ATXN7L1: variants seen among roughly 807,000 people sequenced by gnomAD.
ATXN7L1 encodes the protein ataxin 7 like 1, also known as ataxin-7-like protein 1.
ATXN7L1 carries 15 observed loss-of-function variants against 70.8 expected under a neutral mutation model. That is an observed-to-expected ratio of 0.21 (90% confidence interval 0.14 to 0.33). The LOEUF is 0.33. Among genes scored for constraint, ATXN7L1 ranks in the 10% least tolerant of loss-of-function variants. The pLI is 1.00. For synonymous variants in ATXN7L1, 440 were observed against 445.1 expected (o/e 0.99, Z 0.14); for missense variants, 975 against 1,097.1 (o/e 0.89, Z 1.57).
At chr7:105,751,463 T>C (rs539087371) in intron 3 of ATXN7L1, among the ~76,000 whole-genome samples, 27 of 151,836 alleles carry the variant, frequency 1.8e-4, no homozygotes, top group Admixed American at 3.9e-4. Flanking sequence ...GAAACCCCCG[T>C]CTCTACTAAA....
At chr7:105,784,529 C>A (rs914748413) in intron 3 of ATXN7L1, among the ~76,000 whole-genome samples, 1 of 151,912 alleles carries the variant, frequency 6.6e-6, no homozygotes, top group African/African-American at 2.4e-5. Context: ...ATGGGAGAAG[C>A]GGGAGGTGGC....
intron 3 of ATXN7L1, among the ~76,000 whole-genome samples, chr7:105,714,031 C>G (rs1794234119): frequency 6.6e-6 from 1 of 152,220 alleles, no homozygotes; most frequent in African/African-American, 2.4e-5. Context: ...AAAGCAAACC[C>G]TGATTAAGAA....
rs77827797 is a variant in ATXN7L1, at chr7:105,830,104, G to A, written c.251-41396C>T. Among the ~76,000 whole-genome samples the A allele has an allele frequency of 8.3e-3, 1,266 of 152,246 alleles. 18 individuals are homozygous for A. Among genetic ancestry groups the A allele is most frequent in the African/African-American group, 0.029 (1,206 of 41,540 alleles). ...TAAAGATGAGGACAAGAAGGCCCTG[G>A]GAGGCTCAGTTATTTATCCTACTAG... On this transcript the variant is annotated intron_variant, in intron 2 of 11. Transcript: ENST00000419735.
intron 3 of ATXN7L1, among the ~76,000 whole-genome samples, chr7:105,711,244 G>A (rs965436075): frequency 6.6e-6 from 1 of 151,088 alleles, no homozygotes; most frequent in Non-Finnish European, 1.5e-5. Flanking sequence ...TTTGGATGGG[G>A]ACACAAATCC....
At chr7:105,853,590 A>G (rs1245449142) in intron 2 of ATXN7L1, among the ~76,000 whole-genome samples, 10 of 148,360 alleles carry the variant, frequency 6.7e-5, no homozygotes, top group Non-Finnish European at 1.0e-4. Context: ...AACAAACAAA[A>G]AAAACAAAAA....
intron 11 of ATXN7L1, among the ~76,000 whole-genome samples, chr7:105,608,707 A>G (rs1231385353): frequency 6.6e-6 from 1 of 152,188 alleles, no homozygotes; most frequent in Non-Finnish European, 1.5e-5. Flanking sequence ...AAAGGACTCA[A>G]AATGGTGAGG....
At chr7:105,746,986 C>CT (rs1238576534) in intron 3 of ATXN7L1, among the ~76,000 whole-genome samples, 1 of 152,188 alleles carries the variant, frequency 6.6e-6, no homozygotes, top group Non-Finnish European at 1.5e-5. Context: ...CATGCGCTAT[C>CT]TGTCCAATGA....
At chr7:105,693,070 T>C (rs940810955) in intron 3 of ATXN7L1, among the ~76,000 whole-genome samples, 5 of 152,084 alleles carry the variant, frequency 3.3e-5, no homozygotes, top group African/African-American at 1.2e-4. Flanking sequence ...TTTCCCAGAG[T>C]GCATCAAGCA....
chr7:105,783,722 T>G (rs1458284923), intron 3 of ATXN7L1, among the ~76,000 whole-genome samples: 1 of 152,212 alleles, frequency 6.6e-6, no homozygotes, highest in Non-Finnish European at 1.5e-5. Context: ...ATTTATATCC[T>G]TTATAATATA....
At chr7:105,836,068 G>A (rs1360262659) in intron 2 of ATXN7L1, among the ~76,000 whole-genome samples, 1 of 152,144 alleles carries the variant, frequency 6.6e-6, no homozygotes, top group Non-Finnish European at 1.5e-5. Flanking sequence ...GCTGGCACGC[G>A]CTGCATCCCC....
rs1172330592 is a variant in ATXN7L1 at position 105,639,544 on chromosome 7, G to A, written c.888C>T (p.His296=). The A allele has an allele frequency of 2.6e-5, 40 of 1,551,270 alleles. No homozygotes were observed. Among genetic ancestry groups the A allele is most frequent in the Non-Finnish European group, 3.3e-5 (38 of 1,146,724 alleles). ...TTGTCTCGGGATCCAATACTCCACA[G>A]TGTTTATTTGGGTCAAATTCTCTCT... ...LSEREFDPNK[H]CGVLDPETKK... is the part of the protein sequence containing the mutation. The change falls in exon 6 of 12, where the codon CAC becomes CAT. Residue 296 remains histidine, a synonymous_variant. Transcript: ENST00000419735.
At chr7:105,715,738 A>G (rs1163398919) in intron 3 of ATXN7L1, among the ~76,000 whole-genome samples, 1 of 152,236 alleles carries the variant, frequency 6.6e-6, no homozygotes, top group African/African-American at 2.4e-5. Context: ...GACTAGTGGC[A>G]TGTCATTAAA....
intron 3 of ATXN7L1, among the ~76,000 whole-genome samples, chr7:105,733,335 A>C (rs1440341226): frequency 1.3e-5 from 2 of 152,246 alleles, no homozygotes; most frequent in Non-Finnish European, 2.9e-5. Flanking sequence ...AAAGCTCAGA[A>C]AGTTACCTAC....
intron 3 of ATXN7L1, among the ~76,000 whole-genome samples, chr7:105,692,419 T>TTCCTTCCTTCCTTCCCTCCCTCCCTCCC (rs1791073296): frequency 1.4e-4 from 17 of 122,792 alleles, no homozygotes; most frequent in African/African-American, 4.8e-4. Context: ...CCTTCCTTCC[T>TTCCTTCCTTCCTTCCCTCCCTCCCTCCC]TCCTTCCTCC....
intron 3 of ATXN7L1, among the ~76,000 whole-genome samples, chr7:105,757,153 G>A (rs980611481): frequency 2.6e-5 from 4 of 152,084 alleles, no homozygotes; most frequent in South Asian, 2.1e-4. Context: ...GCACATGCTC[G>A]CTCTCTATTC....
chr7:105,850,493 C>T (rs1034360799), intron 2 of ATXN7L1, among the ~76,000 whole-genome samples: 1 of 152,244 alleles, frequency 6.6e-6, no homozygotes, highest in African/African-American at 2.4e-5. Flanking sequence ...ACTTTGCCAA[C>T]AACCCTATGA....
At chr7:105,656,887 G>A (rs1171084083) in intron 4 of ATXN7L1, among the ~76,000 whole-genome samples, 1 of 152,138 alleles carries the variant, frequency 6.6e-6, no homozygotes, top group African/African-American at 2.4e-5. Context: ...TTGTAATGCA[G>A]TTATTTTTTT....
intron 3 of ATXN7L1, among the ~76,000 whole-genome samples, chr7:105,699,925 A>G (rs973118033): frequency 3.3e-5 from 5 of 152,192 alleles, no homozygotes; most frequent in African/African-American, 9.6e-5. Context: ...GAACTTGGAA[A>G]TCAGACCATC....
At chr7:105,680,443 TGAG>T (rs1158394072) in intron 3 of ATXN7L1, among the ~76,000 whole-genome samples, 1 of 152,122 alleles carries the variant, frequency 6.6e-6, no homozygotes, top group African/African-American at 2.4e-5. Context: ...TTCCCAGAAT[TGAG>T]GAGAATTCAT....
Sources: allele counts gnomAD v4.1 joint callset (sites outside exome capture counted in the v4.1 genomes callset), GRCh38; gene constraint gnomAD v4.1.1; transcripts MANE v1.5; gene names NCBI Gene and HGNC (gene_info 2026-07-23, HGNC 2026-07-21).